PTPRD: variants seen among roughly 807,000 people sequenced by gnomAD.
PTPRD encodes the protein protein tyrosine phosphatase receptor type D.
In PTPRD, 34 loss-of-function variants were observed where a neutral mutation model predicts 214.5. That is an observed-to-expected ratio of 0.16 (90% CI 0.12 to 0.21). The LOEUF (loss-of-function observed/expected upper bound fraction) is 0.21. Ranked by LOEUF, PTPRD falls within the 10% of genes least tolerant of loss-of-function variation. PTPRD has a pLI of 1.00. For missense variants in PTPRD, 2,545 were observed against 2,398.7 expected, an observed-to-expected ratio of 1.06 and a Z score of -1.27; for synonymous variants, 1,128 against 845.7, an observed-to-expected ratio of 1.33 and a Z score of -5.79.
At chr9:8,754,600 C>CTA (rs1286926899) in intron 11 of PTPRD, among the ~76,000 whole-genome samples, 2 of 152,108 alleles carry the variant, frequency 1.3e-5, no homozygotes, top group African/African-American at 4.8e-5. Context: ...TACAAAATAA[C>CTA]ATATTAGAGA....
chr9:9,877,901 A>T lies in PTPRD; in HGVS notation c.-368+60606T>A, dbSNP rs1037021046. Among the ~76,000 whole-genome samples the T allele has an allele frequency of 3.8e-5, 5 of 131,374 alleles. No individual in the cohort carries two copies. In the East Asian group the frequency reaches 1.3e-3, roughly 33 times the overall value. The allele number at this position is 131,374 out of a possible 152,430, so 86.2% of individuals were successfully genotyped here. A position where few individuals can be genotyped will look rare whatever the true frequency, so the allele number is the denominator to read the frequency against. The stretch of plus-strand genomic sequence containing the variant: ...GGCAGGAGAATTGCTTTACCCCGGG[A>T]GGTGGAGGTTGCGGTGAGCTGAGAT... On this transcript the variant is annotated intron_variant, in intron 5 of 45. Coordinates refer to ENST00000381196, the MANE Select transcript of PTPRD (RefSeq NM_002839.4).
chr9:8,864,924 T>G (rs552910125), intron 11 of PTPRD, among the ~76,000 whole-genome samples: 1 of 152,354 alleles, frequency 6.6e-6, no homozygotes, highest in African/African-American at 2.4e-5. Flanking sequence ...ACACTTGTAT[T>G]AAAAACACAA....
At chr9:8,717,160 A>G (rs1165687599) in intron 12 of PTPRD, among the ~76,000 whole-genome samples, 1 of 152,154 alleles carries the variant, frequency 6.6e-6, no homozygotes, top group Non-Finnish European at 1.5e-5. Flanking sequence ...TTAAAGAAAG[A>G]AAAGTTAGAC....
chr9:9,756,459 C>T (rs2098580076), intron 6 of PTPRD, among the ~76,000 whole-genome samples: 1 of 152,000 alleles, frequency 6.6e-6, no homozygotes, highest in African/African-American at 2.4e-5. Flanking sequence ...TTACAACCAC[C>T]ATATAAGGTA....
intron 8 of PTPRD, among the ~76,000 whole-genome samples, chr9:9,473,488 AG>A (rs1463088827): frequency 6.6e-6 from 1 of 152,154 alleles, no homozygotes; most frequent in Non-Finnish European, 1.5e-5. Context: ...AAAAATACCC[AG>A]GAGTGAGATT....
At chr9:10,230,391 G>T (rs890822835) in intron 3 of PTPRD, among the ~76,000 whole-genome samples, 1 of 150,566 alleles carries the variant, frequency 6.6e-6, no homozygotes, top group East Asian at 2.0e-4. Flanking sequence ...TACCAAAACA[G>T]CTATCTATCT....
intron 9 of PTPRD, among the ~76,000 whole-genome samples, chr9:9,285,143 G>A (rs1318554157): frequency 6.6e-6 from 1 of 151,664 alleles, no homozygotes; most frequent in Non-Finnish European, 1.5e-5. Flanking sequence ...GAATAACATT[G>A]TGTATTCTTT....
Position 9,538,924 on chromosome 9 carries a change from A to G in PTPRD, c.-237+35808T>C, listed in dbSNP as rs142238711. ...TGGATATGTAATTCAATCATTTAGTAAATTATTTTCTGAGTACTTCCTAGT... is the reference window on the plus strand; with the variant it reads ...TGGATATGTAATTCAATCATTTAGTGAATTATTTTCTGAGTACTTCCTAGT... On this transcript the variant is annotated intron_variant, in intron 8 of 45. Transcript: ENST00000381196. Among the ~76,000 whole-genome samples the G allele has an allele frequency of 3.2e-4, 48 of 152,026 alleles. 1 individual carries two copies. Among genetic ancestry groups the G allele is most frequent in the African/African-American group, 1.1e-3 (46 of 41,532 alleles).
At chr9:8,970,876 G>C (rs2099233670) in intron 11 of PTPRD, among the ~76,000 whole-genome samples, 1 of 149,568 alleles carries the variant, frequency 6.7e-6, no homozygotes, top group Non-Finnish European at 1.5e-5. Flanking sequence ...AGAGAGCTTT[G>C]AGTGTGCATT....
intron 7 of PTPRD, among the ~76,000 whole-genome samples, chr9:9,699,454 G>C (rs373294555): frequency 6.6e-6 from 1 of 152,026 alleles, no homozygotes; most frequent in African/African-American, 2.4e-5. Context: ...TGTAATATTA[G>C]GGTCTTTGGT....
chr9:9,267,505 GT>G (rs935522619), intron 9 of PTPRD, among the ~76,000 whole-genome samples: 18 of 151,094 alleles, frequency 1.2e-4, no homozygotes, highest in Non-Finnish European at 2.5e-4. Context: ...TTCTCAAATT[GT>G]TACAAGAAAT....
In PTPRD at chr9:9,596,749, G is replaced by C. The variant is rs1213566772; in HGVS notation, c.-286-21968C>G. Among the ~76,000 whole-genome samples the C allele has an allele frequency of 2.6e-5, 4 of 151,902 alleles. No individual in the cohort carries two copies. The East Asian group carries it at 7.8e-4, about 29-fold the overall frequency. On this transcript the variant is annotated intron_variant, in intron 7 of 45. Transcript: ENST00000381196. ...TAATAGGCTTGTGTATATGAAGGAG[G>C]CAATGAATTGAAATAATGTTAGCTT...
intron 2 of PTPRD, among the ~76,000 whole-genome samples, chr9:10,508,497 G>C (rs568112636): frequency 6.6e-6 from 1 of 152,098 alleles, no homozygotes; most frequent in Admixed American, 6.6e-5. Flanking sequence ...ACATGCACAC[G>C]TATGTTTATT....
chr9:8,616,912 T>G (rs954789268), intron 14 of PTPRD, among the ~76,000 whole-genome samples: 1 of 152,154 alleles, frequency 6.6e-6, no homozygotes, highest in African/African-American at 2.4e-5. Flanking sequence ...GACCTTCAGT[T>G]GGCACAGAAC....
chr9:8,769,999 G>A (rs530503997), intron 11 of PTPRD, among the ~76,000 whole-genome samples: 12 of 152,230 alleles, frequency 7.9e-5, no homozygotes, highest in South Asian at 4.1e-4. Flanking sequence ...TGAAAGTACC[G>A]GTCAGGCACG....
At position 9,315,760 on chromosome 9, in the gene PTPRD, G is replaced by A. The variant is rs370646962; in HGVS notation, c.-203+81689C>T. ...AAAAAATCTCTGTGACTAGAAACAA[G>A]TTGAATCTGGGGTTAAATCCTTATG... is the stretch of plus-strand genomic sequence containing the variant. On this transcript the variant is annotated intron_variant, in intron 9 of 45. Transcript: ENST00000381196. 1.0e-4 allele frequency among the ~76,000 whole-genome samples: 15 copies of A among 147,674 alleles called. 1 individual carries two copies. In the East Asian group the frequency reaches 1.0e-3, roughly 10 times the overall value.
At chr9:9,298,471 G>T (rs1953982398) in intron 9 of PTPRD, among the ~76,000 whole-genome samples, 1 of 151,374 alleles carries the variant, frequency 6.6e-6, no homozygotes, top group Non-Finnish European at 1.5e-5. Context: ...GTTGTAATAG[G>T]GTAAGATACT....
chr9:10,523,166 T>C (rs924254815), intron 2 of PTPRD, among the ~76,000 whole-genome samples: 2 of 152,060 alleles, frequency 1.3e-5, no homozygotes, highest in African/African-American at 4.8e-5. Context: ...ATTTGGGAAA[T>C]ATACATTAAA....
intron 3 of PTPRD, among the ~76,000 whole-genome samples, chr9:10,231,979 AGAGAGAGAGAGT>A (rs796151365): frequency 2.0e-3 from 226 of 115,116 alleles, no homozygotes; most frequent in Middle Eastern, 9.5e-3. Context: ...AGAGAGAGAG[AGAGAGAGAGAGT>A]GTGTGTGTGT....
Sources: allele counts gnomAD v4.1 joint callset (sites outside exome capture counted in the v4.1 genomes callset), GRCh38; gene constraint gnomAD v4.1.1; transcripts MANE v1.5; gene names NCBI Gene and HGNC (gene_info 2026-07-23, HGNC 2026-07-21).